Variants in NUP98 observed in about 807,000 individuals in gnomAD.
NUP98 encodes the protein nuclear pore complex protein Nup98-Nup96.
In NUP98, 26 loss-of-function variants were observed where a neutral mutation model predicts 191.9. That is an observed-to-expected ratio of 0.14 (90% CI 0.10 to 0.19). NUP98 has a LOEUF of 0.19. Ranked by LOEUF, NUP98 falls within the 10% of genes least tolerant of loss-of-function variation. The pLI is 1.00. For synonymous variants in NUP98, 808 were observed against 778.4 expected (o/e 1.04, Z -0.63); for missense variants, 1,941 against 2,178.8 (o/e 0.89, Z 2.17).
chr11:3,744,272 A>G (rs983850758), intron 12 of NUP98, among the ~76,000 whole-genome samples: 1 of 152,222 alleles, frequency 6.6e-6, no homozygotes, highest in African/African-American at 2.4e-5. Context: ...ACTAAATTAT[A>G]TATCAGATGA....
intron 30 of NUP98, 171 bp from the exon 31 acceptor site, chr11:3,679,879 C>A: frequency 1.5e-6 from 1 of 654,424 alleles, no homozygotes; most frequent in South Asian, 2.2e-5. Flanking sequence ...TTTCAGACCA[C>A]CACAATAAAG....
chr11:3,760,978 T>C (rs1427765586), intron 9 of NUP98, among the ~76,000 whole-genome samples: 2 of 152,228 alleles, frequency 1.3e-5, no homozygotes, highest in Non-Finnish European at 2.9e-5. Context: ...ATACTTGCTT[T>C]GCCAGAAGAA....
At chr11:3,716,619 G>C (rs1454899784) in intron 18 of NUP98, among the ~76,000 whole-genome samples, 1 of 152,064 alleles carries the variant, frequency 6.6e-6, no homozygotes, top group Non-Finnish European at 1.5e-5. Context: ...TGAGGCAGGA[G>C]AATAGCTTGA....
At chr11:3,732,622 G>T (rs932147624) in intron 13 of NUP98, among the ~76,000 whole-genome samples, 2 of 152,166 alleles carry the variant, frequency 1.3e-5, no homozygotes, top group Admixed American at 1.3e-4. Flanking sequence ...CTGGGTACCA[G>T]AAATAAAGTT....
intron 10 of NUP98, among the ~76,000 whole-genome samples, chr11:3,757,418 C>T (rs1429420729): frequency 1.3e-5 from 2 of 151,472 alleles, no homozygotes; most frequent in Non-Finnish European, 2.9e-5. Flanking sequence ...GCCCAGGAGG[C>T]GGAGGTTGCA....
intron 18 of NUP98, among the ~76,000 whole-genome samples, chr11:3,717,152 G>A (rs1284239467): frequency 3.3e-5 from 5 of 152,036 alleles, no homozygotes; most frequent in Non-Finnish European, 7.4e-5. Flanking sequence ...GCGCCACCAC[G>A]TCTGGCGAAT....
intron 11 of NUP98, among the ~76,000 whole-genome samples, chr11:3,745,556 A>T (rs896333013): frequency 7.9e-5 from 12 of 152,146 alleles, no homozygotes; most frequent in Middle Eastern, 3.4e-3. Context: ...TGGCATTATT[A>T]AAAAAAATTC....
intron 26 of NUP98, among the ~76,000 whole-genome samples, chr11:3,694,967 C>A (rs919400444): frequency 6.6e-6 from 1 of 152,000 alleles, no homozygotes; most frequent in Non-Finnish European, 1.5e-5. Context: ...TTTGTATATA[C>A]AAACATGTAA....
At chr11:3,791,392 G>A (rs190065914) in intron 1 of NUP98, among the ~76,000 whole-genome samples, 1 of 151,666 alleles carries the variant, frequency 6.6e-6, no homozygotes, top group Non-Finnish European at 1.5e-5. Context: ...AAATTAGCCA[G>A]GCATGGTGGT....
At chr11:3,678,481 C>G (rs1375056970) in intron 31 of NUP98, among the ~76,000 whole-genome samples, 3 of 152,112 alleles carry the variant, frequency 2.0e-5, no homozygotes, top group Non-Finnish European at 2.9e-5. Context: ...GACAGGTGCA[C>G]TAGTAGAATA....
At position 3,684,992 on chromosome 11, in the gene NUP98, C is replaced by T. The variant is rs563408078; in HGVS notation, c.4676+981G>A. Among the ~76,000 whole-genome samples the T allele has an allele frequency of 8.0e-5, 11 of 138,216 alleles. No individual in the cohort carries two copies. The Admixed American group carries it at 9.8e-4, about 12-fold the overall frequency. 90.7% of individuals were successfully genotyped at this position (138,216 alleles called of 152,430 possible). A position where few individuals can be genotyped will look rare whatever the true frequency, so the allele number is the denominator to read the frequency against. On this transcript the variant is annotated intron_variant, in intron 29 of 32. Coordinates refer to ENST00000324932, the MANE Select transcript of NUP98 (RefSeq NM_016320.5). The stretch of plus-strand genomic sequence containing the variant: ...GTTGGAAACCTCACTCTGCCATTTA[C>T]TAGCTGTGTGACCTTGGACAAAAGT...
chr11:3,772,995 A>G (rs1288844837), intron 6 of NUP98, among the ~76,000 whole-genome samples: 1 of 152,016 alleles, frequency 6.6e-6, no homozygotes, highest in African/African-American at 2.4e-5. Context: ...ACAAACAAAA[A>G]AAACAAAAAA....
chr11:3,790,470 C>T (rs958912449), intron 1 of NUP98, among the ~76,000 whole-genome samples: 1 of 152,192 alleles, frequency 6.6e-6, no homozygotes, highest in African/African-American at 2.4e-5. Flanking sequence ...GTCCCCAACA[C>T]TTCTTCCAGG....
intron 8 of NUP98, among the ~76,000 whole-genome samples, chr11:3,765,801 CAAAAAA>C (rs368424606): frequency 1.7e-5 from 2 of 115,348 alleles, no homozygotes; most frequent in Non-Finnish European, 3.7e-5. Flanking sequence ...GACTCTGTCT[CAAAAAA>C]AAAAAAAAAA....
At chr11:3,682,342 T>C (rs891470663) in intron 30 of NUP98, among the ~76,000 whole-genome samples, 1 of 152,262 alleles carries the variant, frequency 6.6e-6, no homozygotes, top group East Asian at 1.9e-4. Flanking sequence ...GCTTATCTTT[T>C]GTCCTATCTT....
chr11:3,750,291 T>C (rs998414629), intron 11 of NUP98, among the ~76,000 whole-genome samples: 24 of 151,940 alleles, frequency 1.6e-4, no homozygotes, highest in African/African-American at 5.1e-4. Context: ...AGCTAACTTT[T>C]TGCATTTTTA....
intron 20 of NUP98, chr11:3,711,723 A>G: frequency 2.2e-6 from 1 of 445,034 alleles, no homozygotes; most frequent in Non-Finnish European, 3.1e-6. Context: ...GGCATTCTAA[A>G]TGCTACCAAG....
chr11:3,676,494 A>T lies in NUP98; in HGVS notation c.5185+15T>A. ...AAGCAAGAAGGCAGAAAGAGTGAGG[A>T]GGTTAGAGGCTTACCTGACTGAGCC... On this transcript the variant is annotated intron_variant, in intron 32 of 32. Coordinates refer to ENST00000324932, the MANE Select transcript of NUP98 (RefSeq NM_016320.5). 1 of 1,608,680 alleles carries T rather than the reference A, an allele frequency of 6.2e-7. No homozygotes were observed. Among genetic ancestry groups the T allele is most frequent in the South Asian group, 1.1e-5 (1 of 90,964 alleles).
At chr11:3,737,279 A>G (rs1020125189) in intron 12 of NUP98, among the ~76,000 whole-genome samples, 1 of 151,244 alleles carries the variant, frequency 6.6e-6, no homozygotes, top group African/African-American at 2.4e-5. Flanking sequence ...GAAAAGTCTC[A>G]CAATGTTGTG....
Sources: allele counts gnomAD v4.1 joint callset (sites outside exome capture counted in the v4.1 genomes callset), GRCh38; gene constraint gnomAD v4.1.1; transcripts MANE v1.5; gene names NCBI Gene and HGNC (gene_info 2026-07-23, HGNC 2026-07-21).